The following SLC25A13 variants were observed in gnomAD, a reference collection of about 807,000 sequenced individuals.
SLC25A13 encodes the protein solute carrier family 25 member 13, also known as electrogenic aspartate/glutamate antiporter SLC25A13, mitochondrial.
SLC25A13 carries 70 observed loss-of-function variants against 85.5 expected under a neutral mutation model. The ratio of observed to expected loss-of-function variants is 0.82; its 90% CI spans 0.68 to 1.00. SLC25A13 has a LOEUF of 1.00. Ranked by LOEUF, SLC25A13 falls within the 50% of genes least tolerant of loss-of-function variation. SLC25A13 has a pLI of 0.00. For missense variants in SLC25A13, 765 were observed against 819.8 expected (o/e 0.93, Z 0.82); for synonymous variants, 259 against 288.7 (o/e 0.90, Z 1.04).
At chr7:96,277,032 G>A (rs1179939355) in intron 3 of SLC25A13, among the ~76,000 whole-genome samples, 164 bp downstream of exon 3, 1 of 151,982 alleles carries the variant, frequency 6.6e-6, no homozygotes, top group East Asian at 1.9e-4. Context: ...AATGATTGAA[G>A]GAACTACATT....
intron 1 of SLC25A13, among the ~76,000 whole-genome samples, chr7:96,317,805 A>ATTTTTTTTTTTTTT (rs67556510): frequency 6.9e-6 from 1 of 144,174 alleles, no homozygotes. Context: ...ATTTTACTTT[A>ATTTTTTTTTTTTTT]TTTTATTTTT....
chr7:96,165,739 T>A (rs1024481051), intron 13 of SLC25A13, among the ~76,000 whole-genome samples: 1 of 152,208 alleles, frequency 6.6e-6, no homozygotes, highest in Non-Finnish European at 1.5e-5. Context: ...GAGTTTTCTC[T>A]TGGGAGACAG....
At chr7:96,284,180 T>C (rs925544674) in intron 2 of SLC25A13, among the ~76,000 whole-genome samples, 1 of 151,948 alleles carries the variant, frequency 6.6e-6, no homozygotes, top group Non-Finnish European at 1.5e-5. Context: ...AAAAACTAGA[T>C]AGAAAACAGT....
chr7:96,251,645 C>A (rs1797431748), intron 3 of SLC25A13, among the ~76,000 whole-genome samples: 1 of 152,236 alleles, frequency 6.6e-6, no homozygotes, highest in Non-Finnish European at 1.5e-5. Context: ...ACACACCAAT[C>A]ACCAGTTGCA....
chr7:96,223,099 A>C (rs1796195988), intron 4 of SLC25A13, among the ~76,000 whole-genome samples: 2 of 152,136 alleles, frequency 1.3e-5, no homozygotes, highest in African/African-American at 4.8e-5. Context: ...AAAAAAAAAA[A>C]GCTCATTTAG....
At chr7:96,277,013 A>G (rs1239306129) in intron 3 of SLC25A13, among the ~76,000 whole-genome samples, 183 bp downstream of exon 3, 1 of 152,194 alleles carries the variant, frequency 6.6e-6, no homozygotes, top group Non-Finnish European at 1.5e-5. Flanking sequence ...TGAATCCCCA[A>G]CTTGAAACAA....
chr7:96,162,971 T>G (rs993264543), intron 13 of SLC25A13, among the ~76,000 whole-genome samples: 1 of 152,132 alleles, frequency 6.6e-6, no homozygotes, highest in Non-Finnish European at 1.5e-5. Flanking sequence ...GGTTCTAGGA[T>G]CAGCAACAGA....
chr7:96,228,957 G>A (rs529882927), intron 4 of SLC25A13, among the ~76,000 whole-genome samples: 1 of 152,298 alleles, frequency 6.6e-6, no homozygotes, highest in South Asian at 2.1e-4. Flanking sequence ...GGGCAGGGCT[G>A]TCAGGAGCTG....
intron 3 of SLC25A13, among the ~76,000 whole-genome samples, chr7:96,241,082 GAAAGAAAGAA>G (rs1359340228): frequency 6.8e-6 from 1 of 147,748 alleles, no homozygotes; most frequent in Non-Finnish European, 1.5e-5. Flanking sequence ...AAGAAAGAAA[GAAAGAAAGAA>G]AGAAAGAAAG....
In SLC25A13 at chr7:96,186,449, T is replaced by A. The variant is rs573721272; in HGVS notation, c.934-1438A>T. On this transcript the variant is annotated intron_variant, in intron 9 of 17. Coordinates refer to ENST00000265631, the MANE Select transcript of SLC25A13 (RefSeq NM_014251.3). ...CGTCTCAAAAAGAAAAAAGTTAGGA[T>A]AGAAGATAATCATGCATGTAACAAG... 1.6e-4 allele frequency among the ~76,000 whole-genome samples: 25 copies of A among 152,094 alleles called. No individual in the cohort carries two copies. In the East Asian group the frequency reaches 4.8e-3, roughly 29 times the overall value.
chr7:96,120,817 A>C lies in SLC25A13; in HGVS notation c.*374T>G. On this transcript the variant is annotated 3_prime_UTR_variant, in exon 18 of 18. Transcript: ENST00000265631. ...TACCAGTTTAAAACACACACGAAAC[A>C]CTGCTCTGAGCACCATGATTGCCTT... is the stretch of plus-strand genomic sequence containing the variant. The C allele has an allele frequency of 2.2e-6, 1 of 464,338 alleles. No individual in the cohort carries two copies. Among genetic ancestry groups the C allele is most frequent in the Non-Finnish European group, 4.3e-6 (1 of 233,630 alleles). The allele number at this position is 464,338 out of a possible 1,614,324, so 28.8% of individuals were successfully genotyped here.
chr7:96,198,355 C>T (rs1191308633), intron 5 of SLC25A13, among the ~76,000 whole-genome samples: 2 of 152,142 alleles, frequency 1.3e-5, no homozygotes, highest in Admixed American at 6.5e-5. Flanking sequence ...AAGTCTCTTG[C>T]AATATGAAAC....
chr7:96,209,255 C>G (rs1231338613), intron 4 of SLC25A13, among the ~76,000 whole-genome samples: 1 of 150,724 alleles, frequency 6.6e-6, no homozygotes, highest in Non-Finnish European at 1.5e-5. Context: ...AAGTAGAAAG[C>G]TAAAACTATT....
At chr7:96,290,000 G>A (rs535752725) in intron 2 of SLC25A13, among the ~76,000 whole-genome samples, 2 of 152,240 alleles carry the variant, frequency 1.3e-5, no homozygotes, top group African/African-American at 4.8e-5. Context: ...AATGTTAAGG[G>A]CAGCCAGAGA....
intron 5 of SLC25A13, among the ~76,000 whole-genome samples, chr7:96,204,495 C>T (rs1795384082): frequency 6.6e-6 from 1 of 151,526 alleles, no homozygotes; most frequent in South Asian, 2.1e-4. Context: ...AGCGCTAATG[C>T]ACCACTGCAC....
intron 4 of SLC25A13, among the ~76,000 whole-genome samples, chr7:96,232,667 A>G (rs1048360421): frequency 1.6e-5 from 2 of 123,712 alleles, no homozygotes; most frequent in South Asian, 5.3e-4. Flanking sequence ...AAAAAAAAAC[A>G]GAAAATCTTT....
chr7:96,320,974 C>T (rs1228603800), intron 1 of SLC25A13, among the ~76,000 whole-genome samples: 1 of 152,170 alleles, frequency 6.6e-6, no homozygotes, highest in African/African-American at 2.4e-5. Context: ...GTTCACTGCA[C>T]TTAAAATGAG....
chr7:96,195,177 G>A (rs577970577), intron 5 of SLC25A13, among the ~76,000 whole-genome samples: 7 of 152,258 alleles, frequency 4.6e-5, no homozygotes, highest in Admixed American at 3.9e-4. Flanking sequence ...GCCATAAAAT[G>A]ACACATCGCT....
At chr7:96,270,819 G>A (rs1226699956) in intron 3 of SLC25A13, among the ~76,000 whole-genome samples, 3 of 152,038 alleles carry the variant, frequency 2.0e-5, no homozygotes, top group African/African-American at 4.8e-5. Flanking sequence ...AGTTCAGTAC[G>A]GCCACAGACT....
Sources: allele counts gnomAD v4.1 joint callset (sites outside exome capture counted in the v4.1 genomes callset), GRCh38; gene constraint gnomAD v4.1.1; transcripts MANE v1.5; gene names NCBI Gene and HGNC (gene_info 2026-07-23, HGNC 2026-07-21).